GSTM2: variants seen among roughly 807,000 people sequenced by gnomAD.
The protein encoded by GSTM2 is GST class-mu 2.
Under a neutral mutation model 33.3 loss-of-function variants are expected in GSTM2, and 33 were observed. The observed-to-expected ratio is 0.99, with a 90% confidence interval of 0.75 to 1.33. The LOEUF (loss-of-function observed/expected upper bound fraction) is 1.33, where lower values mean the gene tolerates loss of function less well. Among genes scored for constraint, GSTM2 ranks in the 40% most tolerant of loss-of-function variants. The probability of loss-of-function intolerance (pLI) is 0.00; values close to 1 mark genes in which losing one functional copy is unlikely to be tolerated. For missense variants in GSTM2, 213 were observed against 265.8 expected (o/e 0.80, Z 1.38); for synonymous variants, 93 against 95.6 (o/e 0.97, Z 0.16).
At chr1:109,675,836 T>TA (rs779696682), downstream of GSTM2, among the ~76,000 whole-genome samples, 2 of 152,080 alleles carry the variant, frequency 1.3e-5, no homozygotes, top group African/African-American at 2.4e-5. Context: ...GAAAGTGCCT[T>TA]TACATGCTTA....
At position 109,671,602 on chromosome 1, in the gene GSTM2, T is replaced by A. The variant is rs955200013; in HGVS notation, c.567+19T>A. 1.2e-5 allele frequency: 15 copies of A among 1,220,780 alleles called. No individual in the cohort carries two copies. The highest frequency in any genetic ancestry group is 1.8e-5 in the Non-Finnish European group (15 of 820,740). 75.6% of individuals were successfully genotyped at this position (1,220,780 alleles called of 1,614,324 possible). A position where few individuals can be genotyped will look rare whatever the true frequency, so the allele number is the denominator to read the frequency against. On this transcript the variant is annotated intron_variant, in intron 7 of 7. Transcript: ENST00000241337. ...ATTTGAGGTGATGCCCCCAGCCTCC[T>A]TTCTCTTTATGTCTCTTATTCCTTT... is the stretch of plus-strand genomic sequence containing the variant.
At chr1:109,678,597 T>G (rs1410483796), downstream of GSTM2, among the ~76,000 whole-genome samples, 3 of 151,960 alleles carry the variant, frequency 2.0e-5, no homozygotes, top group African/African-American at 4.8e-5. Context: ...AATATCAAAA[T>G]TATTTTTTTT....
At chr1:109,680,238 T>C (rs112608998), downstream of GSTM2, among the ~76,000 whole-genome samples, 22 of 149,738 alleles carry the variant, frequency 1.5e-4, 1 homozygote, top group African/African-American at 5.2e-4. Flanking sequence ...ATCTTAGTGG[T>C]GTCACTTCAA....
At chr1:109,678,512 C>T (rs1410700521), downstream of GSTM2, among the ~76,000 whole-genome samples, 3 of 152,106 alleles carry the variant, frequency 2.0e-5, no homozygotes, top group East Asian at 1.9e-4. Flanking sequence ...TTTGGGAGGC[C>T]GAGGGGGCAG....
chr1:109,671,804 TA>T (rs796157158), intron 7 of GSTM2, among the ~76,000 whole-genome samples: 4 of 150,142 alleles, frequency 2.7e-5, no homozygotes, highest in Non-Finnish European at 4.5e-5. Context: ...CCATCTTTAC[TA>T]AAAAAAAATA....
rs1223149703 is a variant in GSTM2, at chr1:109,668,498, A to C, written c.110A>C (p.Asp37Ala). The C allele has an allele frequency of 1.2e-6, 2 of 1,613,858 alleles. No individual in the cohort carries two copies. Among genetic ancestry groups the C allele is most frequent in the Non-Finnish European group, 1.7e-6 (2 of 1,179,838 alleles). ...GAGGAAAAGAAGTACACGATGGGGG[A>C]CGGTAATGGCACCCTCGAGTCTGGG... ...SYEEKKYTMG[D>A]APDYDRSQWL... The change falls in exon 2 of 8, where the codon GAC becomes GCC. Residue 37 changes from aspartate to alanine, a missense_variant and splice_region_variant. By Grantham distance (126) the Asp-to-Ala change is moderately radical. Coordinates refer to ENST00000241337, the MANE Select transcript of GSTM2 (RefSeq NM_000848.4).
downstream of GSTM2, among the ~76,000 whole-genome samples, chr1:109,676,301 G>T (rs1647702861): frequency 6.6e-6 from 1 of 152,178 alleles, no homozygotes; most frequent in Admixed American, 6.5e-5. Context: ...AGCATTTCTG[G>T]TGAGTAGGTC....
chr1:109,673,201 A>C, intron 7 of GSTM2: 1 of 1,611,592 alleles, frequency 6.2e-7, no homozygotes, highest in East Asian at 2.2e-5. Flanking sequence ...CCAATGTTCC[A>C]GGTGTTCCCC....
intron 7 of GSTM2, chr1:109,673,242 C>G: frequency 1.2e-6 from 2 of 1,612,036 alleles, no homozygotes; most frequent in Middle Eastern, 1.7e-4. Context: ...TGATTTTACT[C>G]CTGTTCACTG....
chr1:109,669,457 C>CT lies in GSTM2; in HGVS notation c.260-11dup. On this transcript the variant is annotated splice_polypyrimidine_tract_variant and intron_variant, in intron 4 of 7. Transcript: ENST00000241337. ...GGCTGTGAGGCTGAGAGTGAATCTG[C>CT]TTTACGAGGGTAGGCGGGGAATCAG... 1 of 1,613,620 alleles carries CT rather than the reference C, an allele frequency of 6.2e-7. No homozygotes were observed.
Position 109,668,132 on chromosome 1 carries a change from G to T in GSTM2, c.17G>T (p.Gly6Val). 6.2e-7 allele frequency: 1 copy of T among 1,614,050 alleles called. No individual in the cohort carries two copies. The highest frequency in any genetic ancestry group is 8.5e-7 in the Non-Finnish European group (1 of 1,179,908). ...ACCAGCACCATGCCCATGACACTGG[G>T]GTACTGGAACATCCGCGGGGTGAGC... MPMTL[G>V]YWNIRGLAHS... is the part of the protein sequence containing the mutation. Residue 6 changes from glycine to valine, a missense_variant, in exon 1 of 8, where the codon GGG becomes GTG. By Grantham distance (109) the Gly-to-Val change is moderately radical (BLOSUM62 -3). Coordinates refer to ENST00000241337, the MANE Select transcript of GSTM2 (RefSeq NM_000848.4).
At chr1:109,675,721 C>T (rs1201382549), downstream of GSTM2, among the ~76,000 whole-genome samples, 1 of 152,074 alleles carries the variant, frequency 6.6e-6, no homozygotes, top group East Asian at 1.9e-4. Context: ...TCCAGGTACC[C>T]TCTCCAGGCT....
intron 7 of GSTM2, among the ~76,000 whole-genome samples, chr1:109,672,916 C>T (rs868733514): frequency 8.6e-5 from 13 of 150,618 alleles, no homozygotes; most frequent in African/African-American, 3.2e-4. Context: ...GTCACCCAGG[C>T]CGGAGTGCAG....
intron 6 of GSTM2, 36 bp downstream of exon 6, chr1:109,671,418 G>T (rs1338596772): frequency 1.3e-6 from 2 of 1,580,214 alleles, no homozygotes; most frequent in Non-Finnish European, 1.7e-6. Context: ...CCACAGATTT[G>T]TCATACTTCC....
chr1:109,668,311 G>T (rs964999899), intron 1 of GSTM2, 114 bp from the exon 2 acceptor site: 6 of 1,379,676 alleles, frequency 4.3e-6, no homozygotes, highest in Non-Finnish European at 5.2e-6. Flanking sequence ...GGCGTGCGGG[G>T]TGGGGGCGGG....
downstream of GSTM2, among the ~76,000 whole-genome samples, chr1:109,678,348 G>C (rs980219413): frequency 1.3e-5 from 2 of 151,996 alleles, no homozygotes; most frequent in Non-Finnish European, 2.9e-5. Context: ...TGATGGCCAG[G>C]CTGGTCTCAA....
At chr1:109,671,070 G>A (rs942090187) in intron 5 of GSTM2, 3 of 561,888 alleles carry the variant, frequency 5.3e-6, no homozygotes, top group Admixed American at 3.0e-5. Flanking sequence ...GTCACATTCC[G>A]CTCTGCCATC....
downstream of GSTM2, among the ~76,000 whole-genome samples, chr1:109,678,295 C>A (rs767811392): frequency 3.9e-5 from 6 of 152,110 alleles, no homozygotes; most frequent in Non-Finnish European, 7.4e-5. Flanking sequence ...CAGGCATACA[C>A]CTGGCTAATT....
At chr1:109,671,606 T>C (rs770997349) in intron 7 of GSTM2, 23 bp downstream of exon 7, 1 of 1,130,716 alleles carries the variant, frequency 8.8e-7, no homozygotes, top group Non-Finnish European at 1.4e-6. Context: ...GCCTCCTTTC[T>C]CTTTATGTCT....
Sources: allele counts gnomAD v4.1 joint callset (sites outside exome capture counted in the v4.1 genomes callset), GRCh38; gene constraint gnomAD v4.1.1; transcripts MANE v1.5; gene names NCBI Gene and HGNC (gene_info 2026-07-23, HGNC 2026-07-21).